ELAPOR1: variants seen among roughly 807,000 people sequenced by gnomAD.
ELAPOR1 encodes endosome/lysosome-associated apoptosis and autophagy regulator 1.
ELAPOR1 carries 77 observed loss-of-function variants against 119.7 expected under a neutral mutation model. That is an observed-to-expected ratio of 0.64 (90% CI 0.54 to 0.78). The LOEUF (loss-of-function observed/expected upper bound fraction) is 0.78. ELAPOR1 is among the 30% of genes least tolerant of loss of function. ELAPOR1 has a pLI of 0.00. For missense variants in ELAPOR1, 1,115 were observed against 1,270.4 expected, an observed-to-expected ratio of 0.88 and a Z score of 1.86; for synonymous variants, 481 against 487.2, an observed-to-expected ratio of 0.99 and a Z score of 0.17.
intron 2 of ELAPOR1, among the ~76,000 whole-genome samples, chr1:109,162,307 G>A (rs1651314389): frequency 6.6e-6 from 1 of 152,178 alleles, no homozygotes. Context: ...TTTTCTGTTT[G>A]CATACATTTT....
Position 109,189,095 on chromosome 1 carries a change from C to T in ELAPOR1, c.1249C>T (p.Pro417Ser). The change falls in exon 10 of 22, where the codon CCT (proline) becomes TCT (serine). Residue 417 changes from proline (P) to serine (S), a missense_variant. Physicochemically the swap from Pro to Ser is moderately conservative, Grantham distance 74. Transcript: ENST00000369939. ...TACCCGCTGCCCTGCAGGGACTGAA[C>T]CTGCTGTGGGATTTGAATACAAATG... is the stretch of plus-strand genomic sequence containing the variant. ...DCTRCPAGTE[P>S]AVGFEYKWWN... is the part of the protein sequence containing the mutation. 6.2e-7 allele frequency: 1 copy of T among 1,614,062 alleles called. No individual in the cohort carries two copies. Among genetic ancestry groups the T allele is most frequent in the African/African-American group, 1.3e-5 (1 of 75,030 alleles).
intron 15 of ELAPOR1, 41 bp downstream of exon 15, chr1:109,194,635 A>G: frequency 6.3e-7 from 1 of 1,579,280 alleles, no homozygotes; most frequent in Non-Finnish European, 8.7e-7. Flanking sequence ...TGAATGGGGG[A>G]GGCCCATGGA....
rs368141139 is a variant in ELAPOR1, at chr1:109,194,603, T to C, written c.2121+9T>C. ...GTCTCTGTGGAAACCAGGTAAGGTATACCAGTTGACAGGGTGAAAATTGAA... is the reference window on the plus strand; with the variant it reads ...GTCTCTGTGGAAACCAGGTAAGGTACACCAGTTGACAGGGTGAAAATTGAA... On this transcript the variant is annotated intron_variant, in intron 15 of 21. Coordinates refer to ENST00000369939, the MANE Select transcript of ELAPOR1 (RefSeq NM_020775.5). The C allele has an allele frequency of 9.9e-6, 16 of 1,612,896 alleles. No individual in the cohort carries two copies. Among genetic ancestry groups the C allele is most frequent in the African/African-American group, 1.3e-5 (1 of 75,040 alleles).
Position 109,171,875 on chromosome 1 carries a change from G to T in ELAPOR1, c.477G>T (p.Trp159Cys). 6.2e-7 allele frequency: 1 copy of T among 1,614,206 alleles called. No homozygotes were observed. The highest frequency in any genetic ancestry group is 8.5e-7 in the Non-Finnish European group (1 of 1,180,040). ...TCCTGTTCCTTCACAGGTCCAAGTG[G>T]GTTCCCCGGGGCGACTACATCGCCT... The part of the protein sequence containing the change: ...ESTGNCTSSK[W>C]VPRGDYIASN... Residue 159 changes from tryptophan (W) to cysteine (C), a missense_variant, in exon 4 of 22, where the codon TGG becomes TGT. Physicochemically the swap from Trp to Cys is radical, Grantham distance 215. Coordinates refer to ENST00000369939, the MANE Select transcript of ELAPOR1 (RefSeq NM_020775.5).
intron 2 of ELAPOR1, among the ~76,000 whole-genome samples, chr1:109,163,684 C>T (rs1319892045): frequency 2.0e-5 from 3 of 152,052 alleles, no homozygotes; most frequent in African/African-American, 7.2e-5. Flanking sequence ...CAGGTATGAG[C>T]CACTGTGCCT....
intron 1 of ELAPOR1, among the ~76,000 whole-genome samples, chr1:109,118,121 C>T (rs1187584525): frequency 6.7e-6 from 1 of 150,174 alleles, no homozygotes; most frequent in African/African-American, 2.5e-5. Flanking sequence ...GAATGAAACT[C>T]CGTCTCAAAA....
In ELAPOR1 at chr1:109,177,014, C is replaced by G. The variant is rs1478660015; in HGVS notation, c.952+3177C>G. ...TCTCCCATGTCTACCTCTTTCTACA[C>G]AGACATGGCAACCATCCGATTTCTC... is the stretch of plus-strand genomic sequence containing the variant. On this transcript the variant is annotated intron_variant, in intron 7 of 21. Coordinates refer to ENST00000369939, the MANE Select transcript of ELAPOR1 (RefSeq NM_020775.5). 2.9e-5 allele frequency among the ~76,000 whole-genome samples: 4 copies of G among 137,506 alleles called. 1 individual carries two copies. The highest frequency in any genetic ancestry group is 1.2e-4 in the African/African-American group (4 of 32,782). The allele number at this position is 137,506 out of a possible 152,430, so 90.2% of individuals were successfully genotyped here. A position where few individuals can be genotyped will look rare whatever the true frequency, so the allele number is the denominator to read the frequency against.
intron 1 of ELAPOR1, among the ~76,000 whole-genome samples, chr1:109,127,215 C>CTTTTT (rs371961969): frequency 6.2e-5 from 8 of 129,002 alleles, no homozygotes; most frequent in Non-Finnish European, 1.0e-4. Flanking sequence ...TTTTTCTTTT[C>CTTTTT]TTTTTTTTTT....
chr1:109,185,480 T>C (rs1652989688), intron 8 of ELAPOR1, among the ~76,000 whole-genome samples: 1 of 152,164 alleles, frequency 6.6e-6, no homozygotes, highest in Admixed American at 6.6e-5. Flanking sequence ...CTCTTCAGGC[T>C]CACCCCCTCG....
chr1:109,157,210 G>A (rs899452982), intron 1 of ELAPOR1, among the ~76,000 whole-genome samples: 11 of 152,238 alleles, frequency 7.2e-5, no homozygotes, highest in African/African-American at 2.2e-4. Context: ...CTCAAACACC[G>A]GCAGCCTTGA....
At chr1:109,169,428 T>C (rs1248952970) in intron 3 of ELAPOR1, among the ~76,000 whole-genome samples, 2 of 152,134 alleles carry the variant, frequency 1.3e-5, no homozygotes, top group Non-Finnish European at 2.9e-5. Flanking sequence ...TTAGTAGAGA[T>C]GGGGTTTCAC....
chr1:109,188,456 G>A (rs1653211585), intron 9 of ELAPOR1, 102 bp downstream of exon 9: 3 of 1,354,284 alleles, frequency 2.2e-6, no homozygotes, highest in Non-Finnish European at 2.0e-6. Flanking sequence ...GCCCTTCCAA[G>A]GGAGGCAGTA....
rs551632059 is a variant in ELAPOR1 at position 109,205,005 on chromosome 1, C to T, written c.*1993C>T. Reference sequence around the variant, plus strand: ...TTTGTGTGATAAAAAACTAAAGAGACTTCTGGTCCAATTTCTGGCAACATC... The same window carrying T: ...TTTGTGTGATAAAAAACTAAAGAGATTTCTGGTCCAATTTCTGGCAACATC... On this transcript the variant is annotated 3_prime_UTR_variant, in exon 22 of 22. Transcript: ENST00000369939. 1.3e-5 allele frequency: 2 copies of T among 152,182 alleles called. No homozygotes were observed. The highest frequency in any genetic ancestry group is 1.5e-5 in the Non-Finnish European group (1 of 68,026). The allele number at this position is 152,182 out of a possible 1,614,324, so 9.4% of individuals were successfully genotyped here. A position where few individuals can be genotyped will look rare whatever the true frequency, so the allele number is the denominator to read the frequency against.
At chr1:109,150,906 G>C (rs931896411) in intron 1 of ELAPOR1, among the ~76,000 whole-genome samples, 1 of 152,120 alleles carries the variant, frequency 6.6e-6, no homozygotes, top group African/African-American at 2.4e-5. Flanking sequence ...CATGATGGCA[G>C]GTGGCAATGT....
At chr1:109,130,910 G>A (rs1649115943) in intron 1 of ELAPOR1, among the ~76,000 whole-genome samples, 2 of 152,188 alleles carry the variant, frequency 1.3e-5, no homozygotes, top group Non-Finnish European at 1.5e-5. Flanking sequence ...GGCTGAGGCA[G>A]GAGGATCACT....
chr1:109,172,649 C>A, intron 5 of ELAPOR1, 81 bp downstream of exon 5: 1 of 994,800 alleles, frequency 1.0e-6, no homozygotes, highest in Non-Finnish European at 1.6e-6. Context: ...TCCTCCCAGT[C>A]TGAGCCTCCA....
intron 8 of ELAPOR1, chr1:109,186,813 G>A: frequency 1.0e-6 from 1 of 985,590 alleles, no homozygotes; most frequent in South Asian, 4.7e-5. Flanking sequence ...CTCACGCCAA[G>A]GCCTTCTGGG....
chr1:109,173,384 TA>T, intron 5 of ELAPOR1, 89 bp from the exon 6 acceptor site: 1 of 1,033,848 alleles, frequency 9.7e-7, no homozygotes, highest in Non-Finnish European at 1.5e-6. Context: ...ATGCAGTTAG[TA>T]AGAGAAGTCA....
At chr1:109,163,972 C>T (rs981851045) in intron 2 of ELAPOR1, among the ~76,000 whole-genome samples, 8 of 152,152 alleles carry the variant, frequency 5.3e-5, no homozygotes, top group African/African-American at 1.2e-4. Context: ...CCAAAGGAAA[C>T]GAGTGCCAGG....
Sources: gnomAD v4.1 joint callset for allele counts (sites outside exome capture counted in the v4.1 genomes callset) on GRCh38, gnomAD v4.1.1 for gene constraint, MANE v1.5 for transcripts, NCBI Gene and HGNC (gene_info 2026-07-23, HGNC 2026-07-21) for gene names.